Variants in CYTH1 observed in about 807,000 individuals in gnomAD.
The protein encoded by CYTH1 is cytohesin 1.
In CYTH1, 18 loss-of-function variants were observed where a neutral mutation model predicts 61.8. The observed-to-expected ratio is 0.29, with a 90% CI of 0.20 to 0.43. The LOEUF is 0.43. Ranked by LOEUF, CYTH1 falls within the 20% of genes least tolerant of loss-of-function variation. CYTH1 has a pLI of 1.00. For missense variants in CYTH1, 336 were observed against 510.5 expected (o/e 0.66, Z 3.29); for synonymous variants, 174 against 184.3 (o/e 0.94, Z 0.45).
chr17:78,720,745 C>T (rs1467136968), intron 1 of CYTH1, among the ~76,000 whole-genome samples: 4 of 152,180 alleles, frequency 2.6e-5, no homozygotes, highest in East Asian at 1.9e-4. Context: ...TGTGGTGGCA[C>T]GCACTTGTAG....
chr17:78,726,902 C>A (rs1246984774), intron 1 of CYTH1, among the ~76,000 whole-genome samples: 1 of 152,130 alleles, frequency 6.6e-6, no homozygotes, highest in East Asian at 1.9e-4. Context: ...GTTTTTTGCC[C>A]TACTCCAACT....
At chr17:78,679,400 C>T (rs915731491) in intron 13 of CYTH1, among the ~76,000 whole-genome samples, 3 of 148,274 alleles carry the variant, frequency 2.0e-5, no homozygotes, top group South Asian at 2.1e-4. Flanking sequence ...TGCTGACCCT[C>T]GCACAGGGAC....
rs557889657 is a variant in CYTH1 at position 78,773,838 on chromosome 17, A to G, written c.22+8364T>C. 2.1e-4 allele frequency among the ~76,000 whole-genome samples: 32 copies of G among 152,246 alleles called. 1 individual carries two copies. The highest frequency in any genetic ancestry group is 9.8e-4 in the Admixed American group (15 of 15,278). ...TAAACCCCAGTCAAAACTGATACAC[A>G]TTTTCCCCATGCTTAAAACAGTGAC... On this transcript the variant is annotated intron_variant, in intron 1 of 13. Coordinates refer to ENST00000446868, the MANE Select transcript of CYTH1 (RefSeq NM_004762.6).
intron 1 of CYTH1, among the ~76,000 whole-genome samples, chr17:78,711,332 C>A (rs1353494424): frequency 6.6e-6 from 1 of 150,968 alleles, no homozygotes; most frequent in Non-Finnish European, 1.5e-5. Context: ...CACACACACA[C>A]ACACACCAGA....
At chr17:78,715,994 C>T (rs1214292043) in intron 1 of CYTH1, among the ~76,000 whole-genome samples, 2 of 152,094 alleles carry the variant, frequency 1.3e-5, no homozygotes, top group African/African-American at 4.8e-5. Flanking sequence ...AGACCAGAGG[C>T]ATGGATAAGG....
intron 11 of CYTH1, among the ~76,000 whole-genome samples, chr17:78,682,711 G>A (rs922666963): frequency 6.6e-6 from 1 of 152,248 alleles, no homozygotes; most frequent in Admixed American, 6.5e-5. Context: ...GGGAAGCCCA[G>A]CATTCCTGCC....
chr17:78,686,378 C>T (rs552370250), intron 11 of CYTH1, among the ~76,000 whole-genome samples: 11 of 152,258 alleles, frequency 7.2e-5, no homozygotes, highest in African/African-American at 1.7e-4. Flanking sequence ...TGTTTGAAGA[C>T]GGAAACCTTG....
chr17:78,680,481 T>C (rs1338439281), intron 12 of CYTH1, 137 bp from the exon 13 acceptor site: 4 of 1,065,694 alleles, frequency 3.8e-6, no homozygotes, highest in Non-Finnish European at 5.3e-6. Context: ...TGTGGAAAAG[T>C]GAAGCCTAGA....
rs769822835 is a variant in CYTH1 at position 78,692,428 on chromosome 17, C to G, written c.880G>C (p.Glu294Gln). 6.2e-7 allele frequency: 1 copy of G among 1,614,088 alleles called. No individual in the cohort carries two copies. The highest frequency in any genetic ancestry group is 8.5e-7 in the Non-Finnish European group (1 of 1,180,024). ...ILTDNCLYYF[E>Q]YTTDKEPRGI... ...TAGCAGGTGCTCACCGTGGTATACT[C>G]AAAGTAGTAAAGGCAGTTGTCAGTC... The change falls in exon 11 of 14, where the codon GAG becomes CAG. Residue 294 changes from glutamate (E) to glutamine (Q), a missense_variant. Physicochemically the swap from Glu to Gln is conservative, Grantham distance 29. Transcript: ENST00000446868.
intron 13 of CYTH1, 152 bp from the exon 14 acceptor site, chr17:78,676,321 T>C (rs965419645): frequency 7.0e-5 from 47 of 672,378 alleles, no homozygotes; most frequent in Non-Finnish European, 6.0e-5. Flanking sequence ...CCTCCACCCT[T>C]GCTGTGTCCA....
At position 78,744,809 on chromosome 17, in the gene CYTH1, T is replaced by C. The variant is rs2093353588; in HGVS notation, c.23-35077A>G. 1.3e-5 allele frequency among the ~76,000 whole-genome samples: 2 copies of C among 150,628 alleles called. 1 individual carries two copies. The highest frequency in any genetic ancestry group is 4.2e-4 in the South Asian group (2 of 4,768). On this transcript the variant is annotated intron_variant, in intron 1 of 13. Coordinates refer to ENST00000446868, the MANE Select transcript of CYTH1 (RefSeq NM_004762.6). ...CATGACACAGACTTTTTAGCACTTT[T>C]GTTATCAAAAGAAAAACTCAAAACC...
At chr17:78,741,359 ATCC>A (rs1940044254) in intron 1 of CYTH1, among the ~76,000 whole-genome samples, 1 of 152,202 alleles carries the variant, frequency 6.6e-6, no homozygotes, top group African/African-American at 2.4e-5. Context: ...ACAAAGCAAG[ATCC>A]TATTTCTACA....
rs923468701 is a variant in CYTH1, at chr17:78,717,638, C to T, written c.23-7906G>A. ...CAGAGGACGATACATGAGCACACGG[C>T]GGGCTCTAGTCTAAAATCCTGCAAC... On this transcript the variant is annotated intron_variant, in intron 1 of 13. Transcript: ENST00000446868. The surrounding 1 kb of genome is among the most constrained non-coding windows in gnomAD (Gnocchi z 4.4). 2.0e-5 allele frequency among the ~76,000 whole-genome samples: 3 copies of T among 152,100 alleles called. No homozygotes were observed. Among genetic ancestry groups the T allele is most frequent in the Non-Finnish European group, 2.9e-5 (2 of 68,020 alleles).
chr17:78,706,874 G>A (rs1196372633), intron 3 of CYTH1, among the ~76,000 whole-genome samples: 1 of 152,044 alleles, frequency 6.6e-6, no homozygotes, highest in African/African-American at 2.4e-5. Flanking sequence ...AAGTGTCCAA[G>A]TTTTTTGCCC....
At chr17:78,751,816 T>C (rs1471088547) in intron 1 of CYTH1, among the ~76,000 whole-genome samples, 5 of 152,242 alleles carry the variant, frequency 3.3e-5, no homozygotes, top group African/African-American at 7.2e-5. Flanking sequence ...TTTTTGTTTT[T>C]TGTTTTGTTT....
intron 1 of CYTH1, among the ~76,000 whole-genome samples, chr17:78,741,749 A>T (rs1483845803): frequency 6.6e-6 from 1 of 152,024 alleles, no homozygotes; most frequent in African/African-American, 2.4e-5. Flanking sequence ...CCTTGACTTC[A>T]CTCTTCTCTC....
intron 1 of CYTH1, among the ~76,000 whole-genome samples, chr17:78,771,404 C>A (rs527496422): frequency 2.0e-5 from 3 of 152,060 alleles, no homozygotes; most frequent in Non-Finnish European, 2.9e-5. Context: ...CACGCCACTG[C>A]CCTCCAACCT....
Position 78,708,220 on chromosome 17 carries a change from T to C in CYTH1, c.147A>G (p.Glu49=), listed in dbSNP as rs139372366. Residue 49 remains glutamate (E), a synonymous_variant, in exon 3 of 14, where the codon GAA becomes GAG. Coordinates refer to ENST00000446868, the MANE Select transcript of CYTH1 (RefSeq NM_004762.6). ...ACCTTTCCTCTGTGGATCCCAGGTT[T>C]TCAATTTCATTAGCTACTTCTGCTA... ...DEIAEVANEI[E]NLGSTEERKN... is the part of the protein sequence containing the mutation. 6.2e-7 allele frequency: 1 copy of C among 1,613,478 alleles called. No individual in the cohort carries two copies. Among genetic ancestry groups the C allele is most frequent in the Non-Finnish European group, 8.5e-7 (1 of 1,179,872 alleles).
At position 78,680,171 on chromosome 17, in the gene CYTH1, T is replaced by C; in HGVS notation, c.1118+19A>G. ...GGGCTGCACCAGGCGCGCACTGCCC[T>C]TTCTCAGCAGTCACTTACTTAATGC... On this transcript the variant is annotated intron_variant, in intron 13 of 13. Coordinates refer to ENST00000446868, the MANE Select transcript of CYTH1 (RefSeq NM_004762.6). 1 of 1,613,930 alleles carries C rather than the reference T, an allele frequency of 6.2e-7. No homozygotes were observed. The highest frequency in any genetic ancestry group is 8.5e-7 in the Non-Finnish European group (1 of 1,179,866).
Sources: gnomAD v4.1 joint callset for allele counts (sites outside exome capture counted in the v4.1 genomes callset) on GRCh38, gnomAD v4.1.1 for gene constraint, Gnocchi (gnomAD v3.1) non-coding constraint, MANE v1.5 for transcripts, NCBI Gene and HGNC (gene_info 2026-07-23, HGNC 2026-07-21) for gene names.